The following MAML3 variants were observed in gnomAD, a reference collection of about 807,000 sequenced individuals.
MAML3 encodes the protein mastermind-like protein 3.
In MAML3, 27 loss-of-function variants were observed where a neutral mutation model predicts 101.9. The ratio of observed to expected loss-of-function variants is 0.27; its 90% CI spans 0.20 to 0.37. The LOEUF (loss-of-function observed/expected upper bound fraction) is 0.37. MAML3 is among the 10% of genes least tolerant of loss of function. MAML3 has a pLI of 1.00. For missense variants in MAML3, 1,316 were observed against 1,444.9 expected, an observed-to-expected ratio of 0.91 and a Z score of 1.45; for synonymous variants, 501 against 555.9, an observed-to-expected ratio of 0.90 and a Z score of 1.39.
At chr4:139,731,956 T>A (rs1313602743) in intron 2 of MAML3, among the ~76,000 whole-genome samples, 1 of 152,236 alleles carries the variant, frequency 6.6e-6, no homozygotes, top group Non-Finnish European at 1.5e-5. Flanking sequence ...CAGTGGCAAG[T>A]ATGTTCTGAA....
rs896414859 is a variant in MAML3, at chr4:140,074,146, GA to G, written c.468+78713del. On this transcript the variant is annotated intron_variant, in intron 1 of 4. Coordinates refer to ENST00000509479, the MANE Select transcript of MAML3 (RefSeq NM_018717.5). ...ACTTCGAAAAAGAAAGAAAAAGAAAGAAAGAAAGAGAGAGAGAAAGGAAAGA... is the reference window on the plus strand; with the variant it reads ...ACTTCGAAAAAGAAAGAAAAAGAAAGAAGAAAGAGAGAGAGAAAGGAAAGA... 1.2e-3 allele frequency among the ~76,000 whole-genome samples: 150 copies of G among 128,546 alleles called. 1 individual carries two copies. The highest frequency in any genetic ancestry group is 4.1e-3 in the African/African-American group (145 of 35,096). 84.3% of individuals were successfully genotyped at this position (128,546 alleles called of 152,430 possible).
intron 2 of MAML3, among the ~76,000 whole-genome samples, chr4:139,778,811 C>A (rs567703166): frequency 2.0e-5 from 3 of 151,944 alleles, no homozygotes; most frequent in African/African-American, 4.8e-5. Flanking sequence ...GGTGAAACCC[C>A]GTCTCTACTA....
chr4:139,877,079 T>G (rs924868718), intron 2 of MAML3, among the ~76,000 whole-genome samples: 1 of 152,128 alleles, frequency 6.6e-6, no homozygotes, highest in Non-Finnish European at 1.5e-5. Context: ...TAAATGGGAG[T>G]TATTAGTTTG....
rs1001679848 is a variant in MAML3, at chr4:139,718,191, C to T, written c.*1132G>A. The T allele has an allele frequency of 6.6e-6, 1 of 152,152 alleles. No homozygotes were observed. Among genetic ancestry groups the T allele is most frequent in the African/African-American group, 2.4e-5 (1 of 41,404 alleles). 9.4% of individuals were successfully genotyped at this position (152,152 alleles called of 1,614,324 possible). ...ATATCAGATGTGGCTCACAAAAAAC[C>T]GACTCCCAAACATCAGAGCAGCCCT... is the stretch of plus-strand genomic sequence containing the variant. On this transcript the variant is annotated 3_prime_UTR_variant, in exon 5 of 5. Coordinates refer to ENST00000509479, the MANE Select transcript of MAML3 (RefSeq NM_018717.5).
At chr4:139,841,425 A>G (rs1327603447) in intron 2 of MAML3, among the ~76,000 whole-genome samples, 1 of 152,196 alleles carries the variant, frequency 6.6e-6, no homozygotes, top group Non-Finnish European at 1.5e-5. Flanking sequence ...TAATCAAACG[A>G]AGAAAAGATT....
chr4:140,064,823 A>T (rs568906908), intron 1 of MAML3, among the ~76,000 whole-genome samples: 2 of 152,150 alleles, frequency 1.3e-5, no homozygotes, highest in Non-Finnish European at 2.9e-5. Flanking sequence ...CAACAGAACA[A>T]CAGCTATGCC....
chr4:139,928,422 A>C (rs914982838), intron 1 of MAML3, among the ~76,000 whole-genome samples: 3 of 152,228 alleles, frequency 2.0e-5, no homozygotes, highest in Non-Finnish European at 4.4e-5. Context: ...ACATATTAAA[A>C]GAATACAGAG....
intron 1 of MAML3, among the ~76,000 whole-genome samples, chr4:140,010,932 G>A (rs67600240): frequency 0.26 from 39,399 of 151,036 alleles, 6,510 homozygotes; most frequent in Non-Finnish European, 0.37. Context: ...GTGAAACCCC[G>A]TCTCTATTCA....
At chr4:139,848,070 C>T (rs1393144202) in intron 2 of MAML3, among the ~76,000 whole-genome samples, 1 of 152,164 alleles carries the variant, frequency 6.6e-6, no homozygotes, top group South Asian at 2.1e-4. Context: ...ATACACTTTT[C>T]CATTCTGACA....
At chr4:140,149,730 G>A (rs1729124027) in intron 1 of MAML3, among the ~76,000 whole-genome samples, 1 of 152,076 alleles carries the variant, frequency 6.6e-6, no homozygotes, top group African/African-American at 2.4e-5. Flanking sequence ...CGCCCAATCT[G>A]AGAACTACAT....
In MAML3 at chr4:140,102,722, T is replaced by A. The variant is rs62345595; in HGVS notation, c.468+50138A>T. The stretch of plus-strand genomic sequence containing the variant: ...CTCTACAAATCACCAAGCCAGTCAG[T>A]GCAGAGCCAGGGTAGACACCCTGGC... On this transcript the variant is annotated intron_variant, in intron 1 of 4. Transcript: ENST00000509479. Among the ~76,000 whole-genome samples the A allele has an allele frequency of 2.5e-3, 377 of 152,064 alleles. 3 individuals carry two copies. Among genetic ancestry groups the A allele is most frequent in the Middle Eastern group, 6.8e-3 (2 of 294 alleles).
intron 1 of MAML3, among the ~76,000 whole-genome samples, chr4:140,152,336 T>TC (rs34964713): frequency 6.6e-6 from 1 of 152,030 alleles, no homozygotes; most frequent in Non-Finnish European, 1.5e-5. Context: ...CTTCCCCGCT[T>TC]CCCCCCTAGG....
intron 1 of MAML3, among the ~76,000 whole-genome samples, chr4:139,960,760 C>T (rs955740792): frequency 2.0e-5 from 3 of 152,078 alleles, no homozygotes; most frequent in Admixed American, 2.0e-4. Context: ...GAGCGGAGTC[C>T]CACAGCTGCT....
intron 1 of MAML3, among the ~76,000 whole-genome samples, chr4:140,065,667 C>T (rs1204610154): frequency 1.3e-5 from 2 of 152,200 alleles, no homozygotes; most frequent in Non-Finnish European, 2.9e-5. Context: ...TGGAACAGAC[C>T]TGCCTTATGT....
intron 1 of MAML3, among the ~76,000 whole-genome samples, chr4:140,122,194 C>A (rs1224520686): frequency 3.7e-5 from 5 of 136,200 alleles, no homozygotes; most frequent in Admixed American, 2.2e-4. Flanking sequence ...GAAATTGATT[C>A]TTCTCACAGG....
intron 1 of MAML3, among the ~76,000 whole-genome samples, chr4:140,073,847 C>T (rs1018503803): frequency 2.0e-5 from 3 of 151,796 alleles, no homozygotes; most frequent in Admixed American, 1.3e-4. Flanking sequence ...AGAAAGAGGA[C>T]ACGTGGCCAG....
intron 2 of MAML3, among the ~76,000 whole-genome samples, chr4:139,835,767 T>C (rs1190486862): frequency 6.6e-6 from 1 of 152,302 alleles, no homozygotes; most frequent in East Asian, 1.9e-4. Flanking sequence ...CATATAACTT[T>C]TCCAAAGAAG....
At chr4:139,852,410 T>G (rs933701372) in intron 2 of MAML3, among the ~76,000 whole-genome samples, 2 of 126,318 alleles carry the variant, frequency 1.6e-5, no homozygotes, top group African/African-American at 3.6e-5. Context: ...ACTGTTTTTT[T>G]TTTTTTTTTT....
intron 1 of MAML3, among the ~76,000 whole-genome samples, chr4:140,036,305 C>T (rs1726986177): frequency 2.0e-5 from 3 of 152,208 alleles, no homozygotes; most frequent in African/African-American, 7.2e-5. Flanking sequence ...CAAGTGGACA[C>T]AGCAGCTGGA....
Sources: gnomAD v4.1 joint callset for allele counts (sites outside exome capture counted in the v4.1 genomes callset) on GRCh38, gnomAD v4.1.1 for gene constraint, MANE v1.5 for transcripts, NCBI Gene and HGNC (gene_info 2026-07-23, HGNC 2026-07-21) for gene names.